RPS6KA2: variants seen among roughly 807,000 people sequenced by gnomAD.
RPS6KA2 encodes the protein ribosomal protein S6 kinase alpha-2.
RPS6KA2 carries 42 observed loss-of-function variants against 91.8 expected under a neutral mutation model. The observed-to-expected ratio is 0.46, with a 90% CI of 0.36 to 0.59. The LOEUF (loss-of-function observed/expected upper bound fraction) is 0.59. Ranked by LOEUF, RPS6KA2 falls within the 20% of genes least tolerant of loss-of-function variation. The probability of loss-of-function intolerance (pLI) is 0.00; values close to 1 mark genes in which losing one functional copy is unlikely to be tolerated. For synonymous variants in RPS6KA2, 414 were observed against 393.6 expected, an observed-to-expected ratio of 1.05 and a Z score of -0.61; for missense variants, 798 against 978.5, an observed-to-expected ratio of 0.82 and a Z score of 2.46.
chr6:166,768,167 G>C (rs576547934), intron 2 of RPS6KA2, among the ~76,000 whole-genome samples: 1 of 152,238 alleles, frequency 6.6e-6, no homozygotes, highest in African/African-American at 2.4e-5. Context: ...GAAACCCAGA[G>C]AGGGCCTCAG....
intron 2 of RPS6KA2, chr6:166,702,191 T>C (rs1422729548): frequency 1.9e-5 from 30 of 1,606,138 alleles, no homozygotes; most frequent in Middle Eastern, 3.3e-4. Flanking sequence ...GGCACCTTCT[T>C]TTCCTATAAT....
intron 5 of RPS6KA2, among the ~76,000 whole-genome samples, chr6:166,505,420 A>G (rs1028204941): frequency 2.0e-5 from 3 of 152,230 alleles, no homozygotes; most frequent in Non-Finnish European, 4.4e-5. Flanking sequence ...ACTTGTTAGA[A>G]TCAGCACATA....
In RPS6KA2 at chr6:166,493,873, GC is replaced by G. The variant is rs1212023302; in HGVS notation, c.748-3133del. ...AGTGTCCAGTCCCGACCTCAACAGT[GC>G]TGGCTGAGAAGCCCTGTCTAAAGGG... On this transcript the variant is annotated intron_variant, in intron 8 of 20. Transcript: ENST00000265678. This position sits in a 1 kb window ranked among gnomAD's most constrained non-coding sequence, Gnocchi z 4.7. Among the ~76,000 whole-genome samples the G allele has an allele frequency of 6.6e-6, 1 of 152,186 alleles. No homozygotes were observed. The highest frequency in any genetic ancestry group is 2.4e-5 in the African/African-American group (1 of 41,432).
intron 12 of RPS6KA2, among the ~76,000 whole-genome samples, chr6:166,456,145 C>T (rs1365213177): frequency 2.6e-5 from 4 of 152,194 alleles, no homozygotes; most frequent in Admixed American, 6.5e-5. Context: ...CACAACCTTC[C>T]GTGGCCAGAG....
At chr6:166,505,406 C>T (rs934125312) in intron 5 of RPS6KA2, among the ~76,000 whole-genome samples, 11 of 152,194 alleles carry the variant, frequency 7.2e-5, no homozygotes, top group African/African-American at 2.7e-4. Context: ...CATCCCCACC[C>T]CCGACTTGTT....
chr6:166,579,280 T>C (rs933887252), intron 1 of RPS6KA2, among the ~76,000 whole-genome samples: 1 of 152,152 alleles, frequency 6.6e-6, no homozygotes, highest in African/African-American at 2.4e-5. Flanking sequence ...TTTGAAGTTA[T>C]AATAAAATCC....
chr6:166,595,570 T>C (rs1478045925), intron 1 of RPS6KA2, among the ~76,000 whole-genome samples: 1 of 152,212 alleles, frequency 6.6e-6, no homozygotes, highest in Non-Finnish European at 1.5e-5. Flanking sequence ...GGTGCTGCAG[T>C]CACAGCTGGT....
rs1045731592 is a variant in RPS6KA2 at position 166,445,524 on chromosome 6, C to A, written c.1332+3200G>T. The stretch of plus-strand genomic sequence containing the variant: ...TTCACCAATGCCAGGAGCCCCTGTC[C>A]CAGCTGGAAAAACCAGAAAGTCTCC... On this transcript the variant is annotated intron_variant, in intron 14 of 20. Transcript: ENST00000265678. This position sits in a 1 kb window ranked among gnomAD's most constrained non-coding sequence, Gnocchi z 4.5. Among the ~76,000 whole-genome samples the A allele has an allele frequency of 1.3e-5, 2 of 152,204 alleles. No individual in the cohort carries two copies. The highest frequency in any genetic ancestry group is 2.9e-5 in the Non-Finnish European group (2 of 68,042).
chr6:166,806,161 G>A (rs1249529613), intron 2 of RPS6KA2, among the ~76,000 whole-genome samples: 1 of 152,166 alleles, frequency 6.6e-6, no homozygotes, highest in Non-Finnish European at 1.5e-5. Flanking sequence ...ATGCATTATA[G>A]GAGTCACAGA....
intron 2 of RPS6KA2, among the ~76,000 whole-genome samples, chr6:166,698,610 T>G (rs1203825642): frequency 6.6e-6 from 1 of 152,234 alleles, no homozygotes; most frequent in Non-Finnish European, 1.5e-5. Flanking sequence ...ACTCGACTTC[T>G]TCTGGGGCTG....
chr6:166,448,155 C>T lies in RPS6KA2; in HGVS notation c.1332+569G>A, dbSNP rs1020702392. Among the ~76,000 whole-genome samples, 2 of 152,180 alleles carry T rather than the reference C, an allele frequency of 1.3e-5. No homozygotes were observed. Among genetic ancestry groups the T allele is most frequent in the African/African-American group, 2.4e-5 (1 of 41,442 alleles). On this transcript the variant is annotated intron_variant, in intron 14 of 20. Transcript: ENST00000265678. The surrounding 1 kb of genome is among the most constrained non-coding windows in gnomAD (Gnocchi z 4.7). Reference sequence around the variant, plus strand: ...AATTGTTTCTCTATACTGTTCTTGACGGTTGGGAGTAAAACCATTAGCTCT... The same window carrying T: ...AATTGTTTCTCTATACTGTTCTTGATGGTTGGGAGTAAAACCATTAGCTCT...
intron 3 of RPS6KA2, among the ~76,000 whole-genome samples, chr6:166,515,724 G>C: frequency 6.6e-6 from 1 of 152,188 alleles, no homozygotes. Context: ...CTCTGTGAAA[G>C]GAAAATAAAT....
intron 2 of RPS6KA2, among the ~76,000 whole-genome samples, chr6:166,845,272 C>T (rs1188027957): frequency 1.3e-5 from 2 of 152,088 alleles, no homozygotes; most frequent in Admixed American, 6.5e-5. Flanking sequence ...TGGGGGACTT[C>T]AATACTCCAT....
At chr6:166,755,372 C>G (rs1777981505) in intron 2 of RPS6KA2, among the ~76,000 whole-genome samples, 1 of 152,118 alleles carries the variant, frequency 6.6e-6, no homozygotes, top group Non-Finnish European at 1.5e-5. Context: ...TCAGGGTGTT[C>G]ACTCCTTTAT....
intron 16 of RPS6KA2, among the ~76,000 whole-genome samples, chr6:166,424,239 C>T (rs572025076): frequency 2.0e-5 from 3 of 152,194 alleles, no homozygotes; most frequent in East Asian, 1.9e-4. Context: ...CTTCCATTAC[C>T]TCCCCTCATT....
chr6:166,765,717 G>A (rs918698221), intron 2 of RPS6KA2, among the ~76,000 whole-genome samples: 2 of 152,096 alleles, frequency 1.3e-5, no homozygotes, highest in Non-Finnish European at 2.9e-5. Context: ...AAAGGCGTGG[G>A]GCTAAGCATC....
rs528489558 is a variant in RPS6KA2, at chr6:166,831,962, A to T, written c.123+26238T>A. On this transcript the variant is annotated intron_variant, in intron 2 of 21. Coordinates refer to the RPS6KA2 transcript ENST00000503859. Reference sequence around the variant, plus strand: ...GATGGATGGATAGATAGCTACATAGATACATACGTAGATAATAGATACACA... The same window carrying T: ...GATGGATGGATAGATAGCTACATAGTTACATACGTAGATAATAGATACACA... Among the ~76,000 whole-genome samples the T allele has an allele frequency of 1.3e-3, 204 of 152,132 alleles. 1 individual carries two copies. The highest frequency in any genetic ancestry group is 4.7e-3 in the African/African-American group (195 of 41,470).
chr6:166,531,866 G>A (rs1465198355), intron 2 of RPS6KA2, among the ~76,000 whole-genome samples: 1 of 152,096 alleles, frequency 6.6e-6, no homozygotes, highest in Non-Finnish European at 1.5e-5. Context: ...AATACATTTT[G>A]ATGTGTATCA....
intron 2 of RPS6KA2, among the ~76,000 whole-genome samples, chr6:166,645,835 T>G (rs1009092634): frequency 6.6e-6 from 1 of 152,276 alleles, no homozygotes; most frequent in Non-Finnish European, 1.5e-5. Flanking sequence ...TGTCAACATT[T>G]CAACTTAACC....
Sources: gnomAD v4.1 joint callset for allele counts (sites outside exome capture counted in the v4.1 genomes callset) on GRCh38, gnomAD v4.1.1 for gene constraint, Gnocchi (gnomAD v3.1) non-coding constraint, MANE v1.5 for transcripts, NCBI Gene and HGNC (gene_info 2026-07-23, HGNC 2026-07-21) for gene names.